Variants in DSC2 observed in about 807,000 individuals in gnomAD.
The protein encoded by DSC2 is desmocollin 2, also known as desmocollin-2.
Under a neutral mutation model 87.6 loss-of-function variants are expected in DSC2, and 51 were observed. That is an observed-to-expected ratio of 0.58 (90% CI 0.46 to 0.74). The LOEUF is 0.74. Among genes scored for constraint, DSC2 ranks in the 30% least tolerant of loss-of-function variants. The probability of loss-of-function intolerance (pLI) is 0.00; values close to 1 mark genes in which losing one functional copy is unlikely to be tolerated. For synonymous variants in DSC2, 383 were observed against 393.2 expected (o/e 0.97, Z 0.31); for missense variants, 1,066 against 1,089.5 (o/e 0.98, Z 0.30).
intron 11 of DSC2, among the ~76,000 whole-genome samples, chr18:31,077,655 T>C (rs528521598): frequency 4.6e-5 from 7 of 152,338 alleles, no homozygotes; most frequent in South Asian, 2.1e-4. Context: ...GTTTTATTCA[T>C]TGGAATGTCA....
chr18:31,070,703 A>G, intron 14 of DSC2, 23 bp downstream of exon 14: 2 of 1,613,186 alleles, frequency 1.2e-6, no homozygotes, highest in Non-Finnish European at 1.7e-6. Flanking sequence ...CTTTGTATTT[A>G]TTTAAAAAGC....
At position 31,093,612 on chromosome 18, in the gene DSC2, T is replaced by G. The variant is rs1278118453; in HGVS notation, c.101A>C (p.Asn34Thr). The part of the protein sequence containing the change: ...ILIFASDACK[N>T]VTLHVPSKLD... ...TTTGGAGGGAACATGTAATGTCACATTTTTGCAGGCATCACTGGCAAATAT... is the reference window on the plus strand; with the variant it reads ...TTTGGAGGGAACATGTAATGTCACAGTTTTGCAGGCATCACTGGCAAATAT... The change falls in exon 2 of 16, where the codon AAT becomes ACT. Residue 34 changes from asparagine to threonine, a missense_variant. Asn to Thr is a moderately conservative substitution (Grantham distance 65). Transcript: ENST00000280904. The G allele has an allele frequency of 2.5e-6, 4 of 1,600,280 alleles. No individual in the cohort carries two copies. The highest frequency in any genetic ancestry group is 1.7e-5 in the Admixed American group (1 of 59,724).
chr18:31,079,808 C>T, intron 11 of DSC2, 39 bp downstream of exon 11: 2 of 1,612,978 alleles, frequency 1.2e-6, no homozygotes, highest in Non-Finnish European at 1.7e-6. Context: ...ATGTATGTAG[C>T]CAAGGAAGTA....
intron 13 of DSC2, 61 bp from the exon 14 acceptor site, chr18:31,070,911 C>G: frequency 6.4e-7 from 1 of 1,570,676 alleles, no homozygotes; most frequent in Non-Finnish European, 8.7e-7. Context: ...TATAAATGTA[C>G]AATGGTTAAT....
intron 3 of DSC2, among the ~76,000 whole-genome samples, chr18:31,091,884 A>G (rs981814220): frequency 6.6e-6 from 1 of 152,086 alleles, no homozygotes; most frequent in Non-Finnish European, 1.5e-5. Context: ...CCTTATCCCA[A>G]TTTCTCCTTT....
chr18:31,088,011 G>A (rs1987464209), intron 5 of DSC2, among the ~76,000 whole-genome samples, 198 bp from the exon 6 acceptor site: 1 of 152,080 alleles, frequency 6.6e-6, no homozygotes, highest in African/African-American at 2.4e-5. Context: ...GGCATTGTAT[G>A]TTTAAATTTA....
chr18:31,089,183 A>AAC (rs59967255), intron 5 of DSC2, among the ~76,000 whole-genome samples: 91 of 150,924 alleles, frequency 6.0e-4, no homozygotes, highest in African/African-American at 2.0e-3. Flanking sequence ...AAAAAAAAAA[A>AAC]CTGTTCTTCA....
intron 12 of DSC2, among the ~76,000 whole-genome samples, chr18:31,073,097 T>C (rs1986886677): frequency 6.6e-6 from 1 of 152,040 alleles, no homozygotes; most frequent in Non-Finnish European, 1.5e-5. Context: ...CTCTTTAGGG[T>C]ATATTCTTCT....
At chr18:31,079,058 A>G (rs932303624) in intron 11 of DSC2, among the ~76,000 whole-genome samples, 2 of 152,100 alleles carry the variant, frequency 1.3e-5, no homozygotes, top group Non-Finnish European at 1.5e-5. Flanking sequence ...AATGTCTTTA[A>G]TCAGAATTCT....
At chr18:31,074,444 TGTGTGTGTGTGTGTGTGTGTG>T (rs1372914998) in intron 12 of DSC2, among the ~76,000 whole-genome samples, 1 of 150,764 alleles carries the variant, frequency 6.6e-6, no homozygotes, top group Non-Finnish European at 1.5e-5. Flanking sequence ...TGTGTGTGTG[TGTGTGTGTGTGTGTGTGTGTG>T]TGTTTGGAGT....
At position 31,102,081 on chromosome 18, in the gene DSC2, C is replaced by G; in HGVS notation, c.-110G>C. 1 of 981,048 alleles carries G rather than the reference C, an allele frequency of 1.0e-6. No homozygotes were observed. Among genetic ancestry groups the G allele is most frequent in the Non-Finnish European group, 1.4e-6 (1 of 724,732 alleles). 60.8% of individuals were successfully genotyped at this position (981,048 alleles called of 1,614,324 possible). A position where few individuals can be genotyped will look rare whatever the true frequency, so the allele number is the denominator to read the frequency against. On this transcript the variant is annotated 5_prime_UTR_variant, in exon 1 of 16. Transcript: ENST00000280904. ...GTCTGGGCCCGCTGCTCAGGAGGAG[C>G]GCGAGGCGGAGGAGGTGGGGCGCGC...
chr18:31,068,144 A>G lies in DSC2; in HGVS notation c.2577T>C (p.Tyr859=), dbSNP rs767866098. 1.2e-6 allele frequency: 2 copies of G among 1,614,042 alleles called. No homozygotes were observed. The highest frequency in any genetic ancestry group is 1.7e-6 in the Non-Finnish European group (2 of 1,180,002). ...ACCCAGCCACCGATCCTCTTCCTTC[A>G]TAGTTATATGTCAGGACATAGTCTT... is the stretch of plus-strand genomic sequence containing the variant. ...HAQDYVLTYN[Y]EGRGSVAGSV... is the part of the protein sequence containing the mutation. The change falls in exon 16 of 16, where the codon TAT becomes TAC. Residue 859 remains tyrosine (Y), a synonymous_variant. Coordinates refer to ENST00000280904, the MANE Select transcript of DSC2 (RefSeq NM_024422.6).
chr18:31,091,179 G>A lies in DSC2; in HGVS notation c.355-32C>T, dbSNP rs1162981812. The A allele has an allele frequency of 4.3e-6, 7 of 1,611,014 alleles. No individual in the cohort carries two copies. The African/African-American group carries it at 8.0e-5, about 18-fold the overall frequency. The stretch of plus-strand genomic sequence containing the variant: ...TCATAAGACAGGAAAAAATAATAAA[G>A]TCAATGACTACTTTATTCTCAAACA... On this transcript the variant is annotated intron_variant, in intron 3 of 15. Coordinates refer to ENST00000280904, the MANE Select transcript of DSC2 (RefSeq NM_024422.6).
chr18:31,093,120 T>C (rs1987654145), intron 2 of DSC2, among the ~76,000 whole-genome samples: 1 of 152,094 alleles, frequency 6.6e-6, no homozygotes, highest in Non-Finnish European at 1.5e-5. Context: ...CCACAGCAAA[T>C]CAGGATTTAT....
chr18:31,096,562 G>A (rs1402401164), intron 1 of DSC2, among the ~76,000 whole-genome samples: 2 of 152,098 alleles, frequency 1.3e-5, no homozygotes, highest in African/African-American at 4.8e-5. Context: ...TCTTTTGCTT[G>A]GTCCAGAAAC....
intron 7 of DSC2, 114 bp from the exon 8 acceptor site, chr18:31,083,174 C>T (rs1987287344): frequency 3.5e-6 from 4 of 1,139,406 alleles, no homozygotes; most frequent in Non-Finnish European, 5.0e-6. Flanking sequence ...TGCATTATTA[C>T]ATTTCACAGC....
At chr18:31,101,683 C>A in intron 1 of DSC2, 1 of 565,086 alleles carries the variant, frequency 1.8e-6, no homozygotes, top group Non-Finnish European at 3.1e-6. Flanking sequence ...ATTACATCTA[C>A]CGGAGACACC....
rs1365493039 is a variant in DSC2, at chr18:31,074,791, T to C, written c.1780A>G (p.Ile594Val). Residue 594 changes from isoleucine (I) to valine (V), a missense_variant, in exon 12 of 16, where the codon ATT becomes GTT. Transcript: ENST00000280904. Reference protein sequence around the residue: ...ICKPTMSSAEIVAVDPDEPIH... With the variant: ...ICKPTMSSAEVVAVDPDEPIH... ...GGCTCATCAGGATCAACCGCAACAATCTCCGCAGATGACATGGTGGGTTTG... is the reference window on the plus strand; with the variant it reads ...GGCTCATCAGGATCAACCGCAACAACCTCCGCAGATGACATGGTGGGTTTG... 7.4e-6 allele frequency: 12 copies of C among 1,613,968 alleles called. No homozygotes were observed. The highest frequency in any genetic ancestry group is 1.0e-5 in the Non-Finnish European group (12 of 1,179,966).
intron 13 of DSC2, 131 bp from the exon 14 acceptor site, chr18:31,070,981 C>G: frequency 8.6e-7 from 1 of 1,161,610 alleles, no homozygotes; most frequent in South Asian, 1.4e-5. Flanking sequence ...TCCTGGATTG[C>G]TTGTGTCAAA....
Sources: allele counts gnomAD v4.1 joint callset (sites outside exome capture counted in the v4.1 genomes callset), GRCh38; gene constraint gnomAD v4.1.1; transcripts MANE v1.5; gene names NCBI Gene and HGNC (gene_info 2026-07-23, HGNC 2026-07-21).